PCDHGA3: variants seen among roughly 807,000 people sequenced by gnomAD.
PCDHGA3 encodes the protein protocadherin gamma subfamily A, 3, also known as protocadherin gamma-A3.
A neutral mutation model predicts 58.5 loss-of-function variants in PCDHGA3; 40 were observed. The observed-to-expected ratio is 0.68, with a 90% confidence interval of 0.53 to 0.89. The LOEUF (loss-of-function observed/expected upper bound fraction) is 0.89, where lower values mean the gene tolerates loss of function less well. Ranked by LOEUF, PCDHGA3 falls within the 40% of genes least tolerant of loss-of-function variation. The pLI is 0.00. For missense variants in PCDHGA3, 1,223 were observed against 1,195.9 expected (o/e 1.02, Z -0.33); for synonymous variants, 530 against 525.7 (o/e 1.01, Z -0.11).
At chr5:141,444,507 G>C (rs1213059531) in intron 1 of PCDHGA3, among the ~76,000 whole-genome samples, 1 of 152,068 alleles carries the variant, frequency 6.6e-6, no homozygotes, top group Non-Finnish European at 1.5e-5. Context: ...CTTTGCTCTA[G>C]CAGTATAGTA....
In PCDHGA3 at chr5:141,345,462, C is replaced by CAGGACCCAGATAGCAACA; in HGVS notation, c.1431_1448dup (p.Asn482_Asn483insLysAspProAspSerAsn). The CAGGACCCAGATAGCAACA allele has an allele frequency of 6.2e-7, 1 of 1,614,144 alleles. No individual in the cohort carries two copies. The highest frequency in any genetic ancestry group is 8.5e-7 in the Non-Finnish European group (1 of 1,180,030). Reference sequence around the variant, plus strand: ...AGCCTCCATCTTCTCAGTGACAGCCCAGGACCCAGATAGCAACAACAACGC... The same window carrying CAGGACCCAGATAGCAACA: ...AGCCTCCATCTTCTCAGTGACAGCCCAGGACCCAGATAGCAACAAGGACCCAGATAGCAACAACAACGC... On this transcript the variant is annotated inframe_insertion, in exon 1 of 4. Transcript: ENST00000253812.
intron 1 of PCDHGA3, chr5:141,419,479 C>T (rs764891283): frequency 6.2e-7 from 1 of 1,612,390 alleles, no homozygotes; most frequent in Non-Finnish European, 8.5e-7. Context: ...AGGGCTCGCC[C>T]GCGCTCAGCG....
Position 141,478,910 on chromosome 5 carries a change from A to G in PCDHGA3, c.2425-15897A>G, listed in dbSNP as rs568573298. On this transcript the variant is annotated intron_variant, in intron 1 of 3. Transcript: ENST00000253812. ...ATTTACATTAGGAATAAGCTGCTGG[A>G]TACCTCTAACCAGTGGCAGCTTCTA... 5.3e-4 allele frequency: 474 copies of G among 893,806 alleles called. 7 individuals are homozygous for G. The South Asian group carries it at 6.8e-3, about 13-fold the overall frequency. 55.4% of individuals were successfully genotyped at this position (893,806 alleles called of 1,614,324 possible).
intron 1 of PCDHGA3, chr5:141,366,272 G>T (rs749693337): frequency 1.9e-6 from 3 of 1,613,726 alleles, no homozygotes; most frequent in South Asian, 1.1e-5. Context: ...GGCCGTCGAA[G>T]ACCATGGCCA....
chr5:141,494,773 G>C, intron 1 of PCDHGA3, 34 bp from the exon 2 acceptor site: 1 of 1,613,966 alleles, frequency 6.2e-7, no homozygotes, highest in Non-Finnish European at 8.5e-7. Context: ...CTTCTCACGG[G>C]TACTCAGCCC....
rs769553840 is a variant in PCDHGA3 at position 141,352,577 on chromosome 5, C to T, written c.2424+6120C>T. The T allele has an allele frequency of 6.2e-6, 10 of 1,613,958 alleles. No individual in the cohort carries two copies. In the East Asian group the frequency reaches 1.6e-4, roughly 25 times the overall value. ...CAACCTGACACCGGAAATGGCTCCC[C>T]CTCAGGATCTGCTGTGTGATGATCC... On this transcript the variant is annotated intron_variant, in intron 1 of 3. Transcript: ENST00000253812.
At chr5:141,346,530 T>C in intron 1 of PCDHGA3, 73 bp downstream of exon 1, 2 of 1,573,352 alleles carry the variant, frequency 1.3e-6, no homozygotes, top group Non-Finnish European at 1.7e-6. Flanking sequence ...TTAACACATA[T>C]GTATTTGAGA....
At chr5:141,363,097 G>A (rs182933962) in intron 1 of PCDHGA3, among the ~76,000 whole-genome samples, 161 of 152,360 alleles carry the variant, frequency 1.1e-3, no homozygotes, top group Admixed American at 1.8e-3. Context: ...CTAAAGGACA[G>A]GCAATGTTTG....
chr5:141,429,910 T>C (rs2097252047), intron 1 of PCDHGA3, among the ~76,000 whole-genome samples: 1 of 152,230 alleles, frequency 6.6e-6, no homozygotes, highest in East Asian at 1.9e-4. Context: ...TTTTGAAATA[T>C]AATGTATTAA....
At chr5:141,368,558 T>C (rs2149928409) in intron 1 of PCDHGA3, among the ~76,000 whole-genome samples, 1 of 152,140 alleles carries the variant, frequency 6.6e-6, no homozygotes, top group East Asian at 1.9e-4. Context: ...TAAAAGAAAA[T>C]GTTATATGCT....
chr5:141,373,270 G>A (rs1444168164), intron 1 of PCDHGA3, among the ~76,000 whole-genome samples: 3 of 152,194 alleles, frequency 2.0e-5, no homozygotes, highest in Non-Finnish European at 4.4e-5. Context: ...AGTATACACA[G>A]ATGTTGCCTA....
At chr5:141,377,347 T>G (rs902378263) in intron 1 of PCDHGA3, 3 of 152,196 alleles carry the variant, frequency 2.0e-5, no homozygotes, top group Non-Finnish European at 2.9e-5. Flanking sequence ...GGTTCACGCC[T>G]GTAATCCCAC....
chr5:141,494,510 C>T (rs1462702765), intron 1 of PCDHGA3, among the ~76,000 whole-genome samples: 1 of 152,156 alleles, frequency 6.6e-6, no homozygotes, highest in Non-Finnish European at 1.5e-5. Context: ...TGAATTTTGG[C>T]TCAGGAGTTC....
At chr5:141,415,314 C>A (rs375384840) in intron 1 of PCDHGA3, 1 of 1,614,238 alleles carries the variant, frequency 6.2e-7, no homozygotes, top group Non-Finnish European at 8.5e-7. Context: ...CCTTCGTCAT[C>A]GTGCTGCTGG....
intron 1 of PCDHGA3, among the ~76,000 whole-genome samples, chr5:141,468,273 C>T (rs894110332): frequency 1.4e-5 from 2 of 144,550 alleles, no homozygotes; most frequent in Non-Finnish European, 3.0e-5. Flanking sequence ...TGTGGTGAGC[C>T]GAGACCACGC....
chr5:141,505,255 C>T (rs2099844853), intron 2 of PCDHGA3, 138 bp from the exon 3 acceptor site: 1 of 1,481,112 alleles, frequency 6.8e-7, no homozygotes, highest in Admixed American at 2.1e-5. Context: ...AGAAGTGCCT[C>T]CTACCTTGCT....
chr5:141,492,384 C>G (rs1001189412), intron 1 of PCDHGA3, among the ~76,000 whole-genome samples: 1 of 152,230 alleles, frequency 6.6e-6, no homozygotes, highest in Non-Finnish European at 1.5e-5. Context: ...AGGCCTGTTC[C>G]GGTCCACTCG....
intron 1 of PCDHGA3, chr5:141,392,586 C>A: frequency 2.1e-6 from 1 of 478,230 alleles, no homozygotes; most frequent in Non-Finnish European, 3.7e-6. Flanking sequence ...GTAAGCGCCG[C>A]TGTTCACCTA....
chr5:141,392,167 C>T (rs565694057), intron 1 of PCDHGA3: 40 of 152,290 alleles, frequency 2.6e-4, no homozygotes, highest in African/African-American at 7.9e-4. Context: ...ATTTCTGAGT[C>T]AGTCATCTCC....
Sources: gnomAD v4.1 joint callset for allele counts (sites outside exome capture counted in the v4.1 genomes callset) on GRCh38, gnomAD v4.1.1 for gene constraint, MANE v1.5 for transcripts, NCBI Gene and HGNC (gene_info 2026-07-23, HGNC 2026-07-21) for gene names.